The following DNAH3 variants were observed in gnomAD, a reference collection of about 807,000 sequenced individuals.
DNAH3 encodes dynein axonemal heavy chain 3.
A neutral mutation model predicts 432.5 loss-of-function variants in DNAH3; 332 were observed. That is an observed-to-expected ratio of 0.77 (90% confidence interval 0.70 to 0.84). The LOEUF (loss-of-function observed/expected upper bound fraction) is 0.84, where lower values mean the gene tolerates loss of function less well. Among genes scored for constraint, DNAH3 ranks in the 40% least tolerant of loss-of-function variants. The probability of loss-of-function intolerance (pLI) is 0.00; values close to 1 mark genes in which losing one functional copy is unlikely to be tolerated. For synonymous variants in DNAH3, 1,956 were observed against 1,900.2 expected (o/e 1.03, Z -0.76); for missense variants, 4,861 against 5,114.0 (o/e 0.95, Z 1.51).
At chr16:21,096,943 A>G (rs1234500876) in intron 18 of DNAH3, among the ~76,000 whole-genome samples, 3 of 152,158 alleles carry the variant, frequency 2.0e-5, no homozygotes, top group Non-Finnish European at 4.4e-5. Context: ...CTTAACCCAT[A>G]TCGGATCAAT....
rs376969392 is a variant in DNAH3, at chr16:20,936,813, G to C, written c.11695C>G (p.Arg3899Gly). Reference sequence around the variant, plus strand: ...ATCAGGACCTGTCCTTTGATGGCTCGGCCAAGATTGATGAGGCTCCTCCGA... The same window carrying C: ...ATCAGGACCTGTCCTTTGATGGCTCCGCCAAGATTGATGAGGCTCCTCCGA... The change falls in exon 60 of 62, where the codon CGA becomes GGA. Residue 3899 changes from arginine to glycine, a missense_variant. By Grantham distance (125) the Arg-to-Gly change is moderately radical. Coordinates refer to ENST00000261383, the Ensembl canonical transcript of DNAH3. The C allele has an allele frequency of 7.4e-6, 12 of 1,613,188 alleles. No individual in the cohort carries two copies. The highest frequency in any genetic ancestry group is 1.0e-5 in the Non-Finnish European group (12 of 1,179,830).
exon 29 of DNAH3, chr16:21,051,854 C>G: frequency 6.2e-7 from 1 of 1,614,100 alleles, no homozygotes; most frequent in Non-Finnish European, 8.5e-7. Flanking sequence ...GATAACTTGG[C>G]CACCACGTCG....
At chr16:20,970,664 C>G (rs186080792) in intron 51 of DNAH3, among the ~76,000 whole-genome samples, 1 of 152,150 alleles carries the variant, frequency 6.6e-6, no homozygotes, top group Non-Finnish European at 1.5e-5. Flanking sequence ...GTATGGAGTT[C>G]AGTGCAGTGT....
At chr16:21,060,456 A>T in intron 25 of DNAH3, 100 bp from the exon 26 acceptor site, 3 of 760,198 alleles carry the variant, frequency 3.9e-6, no homozygotes, top group East Asian at 3.2e-5. Context: ...GGCTGGAGGG[A>T]TGCCAAAGGC....
chr16:21,015,495 T>A (rs1028037367), intron 41 of DNAH3, among the ~76,000 whole-genome samples: 2 of 152,208 alleles, frequency 1.3e-5, no homozygotes, highest in African/African-American at 2.4e-5. Flanking sequence ...GACATTTACA[T>A]CTTTGTCAAA....
exon 17 of DNAH3, chr16:21,098,769 T>G (rs753338776): frequency 5.6e-6 from 9 of 1,607,618 alleles, no homozygotes; most frequent in Non-Finnish European, 7.6e-6. Context: ...ATTCTGAGCA[T>G]CTGAAAATAA....
chr16:21,025,475 A>G (rs1597172041), intron 38 of DNAH3, among the ~76,000 whole-genome samples: 1 of 146,686 alleles, frequency 6.8e-6, no homozygotes, highest in African/African-American at 2.5e-5. Context: ...AATTATAGAT[A>G]TAATTATGTA....
intron 33 of DNAH3, 48 bp downstream of exon 33, chr16:21,039,804 C>T (rs547073533): frequency 7.3e-6 from 10 of 1,364,334 alleles, no homozygotes; most frequent in Middle Eastern, 1.8e-4. Context: ...CGCAAAAAGC[C>T]GCTATTTAAA....
intron 17 of DNAH3, among the ~76,000 whole-genome samples, chr16:21,098,243 A>AC (rs2091739850): frequency 6.6e-6 from 1 of 151,940 alleles, no homozygotes; most frequent in South Asian, 2.1e-4. Flanking sequence ...GGAGTTCAAG[A>AC]CCAGCCTGGC....
At chr16:21,101,577 A>C (rs2152796322) in intron 16 of DNAH3, among the ~76,000 whole-genome samples, 1 of 152,344 alleles carries the variant, frequency 6.6e-6, no homozygotes, top group Middle Eastern at 3.4e-3. Flanking sequence ...GTTCAAAGAA[A>C]GATACTTTAA....
intron 18 of DNAH3, among the ~76,000 whole-genome samples, chr16:21,088,626 C>T (rs2091449025): frequency 6.6e-6 from 1 of 152,194 alleles, no homozygotes; most frequent in Admixed American, 6.5e-5. Flanking sequence ...GACGTGGTAG[C>T]TTCTCACCTC....
chr16:20,967,838 A>C (rs1034443192), intron 52 of DNAH3, among the ~76,000 whole-genome samples: 3 of 151,886 alleles, frequency 2.0e-5, no homozygotes, highest in Non-Finnish European at 4.4e-5. Flanking sequence ...TCTCCAGGTG[A>C]TTCTAGGGTG....
Position 21,027,130 on chromosome 16 carries a change from A to T in DNAH3, c.5440-3T>A. ...ATTTCCCCACTCATGAGACACAGCTAAAAGTGCAAAGCAGAGGGTAGCAGA... is the reference window on the plus strand; with the variant it reads ...ATTTCCCCACTCATGAGACACAGCTTAAAGTGCAAAGCAGAGGGTAGCAGA... On this transcript the variant is annotated splice_polypyrimidine_tract_variant and splice_region_variant and intron_variant, in intron 37 of 61. Transcript: ENST00000261383. 1 of 1,610,226 alleles carries T rather than the reference A, an allele frequency of 6.2e-7. No homozygotes were observed. The highest frequency in any genetic ancestry group is 8.5e-7 in the Non-Finnish European group (1 of 1,176,690).
intron 44 of DNAH3, among the ~76,000 whole-genome samples, chr16:20,995,594 G>C (rs923760408): frequency 6.6e-6 from 1 of 152,104 alleles, no homozygotes; most frequent in South Asian, 2.1e-4. Flanking sequence ...CAAAAATATA[G>C]TGAGTTGCTT....
chr16:21,137,580 A>T (rs2092661454), intron 5 of DNAH3, among the ~76,000 whole-genome samples: 1 of 151,992 alleles, frequency 6.6e-6, no homozygotes, highest in South Asian at 2.1e-4. Flanking sequence ...GCACCACCAC[A>T]GCCAGCTAAT....
At position 20,965,430 on chromosome 16, in the gene DNAH3, T is replaced by C. The variant is rs758834675; in HGVS notation, c.8459-5A>G. 87 of 1,509,876 alleles carry C rather than the reference T, an allele frequency of 5.8e-5. No individual in the cohort carries two copies. Among genetic ancestry groups the C allele is most frequent in the Non-Finnish European group, 7.7e-5 (87 of 1,129,216 alleles). 93.5% of individuals were successfully genotyped at this position (1,509,876 alleles called of 1,614,324 possible). A position where few individuals can be genotyped will look rare whatever the true frequency, so the allele number is the denominator to read the frequency against. On this transcript the variant is annotated splice_polypyrimidine_tract_variant and splice_region_variant and intron_variant, in intron 52 of 61. Coordinates refer to ENST00000261383, the Ensembl canonical transcript of DNAH3. ...AGTAATCTTCTATCATCTTACCTAT[T>C]TGGAACAAGAAACAGAGATAATGTG...
chr16:20,986,018 G>A (rs912624773), intron 47 of DNAH3, among the ~76,000 whole-genome samples: 1 of 151,930 alleles, frequency 6.6e-6, no homozygotes, highest in Non-Finnish European at 1.5e-5. Flanking sequence ...ATCATGCCTG[G>A]CTAATTTTTG....
chr16:20,988,029 T>C lies in DNAH3; in HGVS notation c.6638A>G (p.Asn2213Ser), dbSNP rs145682842. Residue 2213 changes from asparagine (N) to serine (S), a missense_variant, in exon 45 of 62, where the codon AAT (asparagine) becomes AGT (serine). By Grantham distance (46) the Asn-to-Ser change is conservative (BLOSUM62 1). Coordinates refer to ENST00000261383, the Ensembl canonical transcript of DNAH3. ...GGTTAAAATGTCATCCTCAAAGGCATTGATGGAAATGATATTCAGATGGCG... is the reference window on the plus strand; with the variant it reads ...GGTTAAAATGTCATCCTCAAAGGCACTGATGGAAATGATATTCAGATGGCG... 77 of 1,614,094 alleles carry C rather than the reference T, an allele frequency of 4.8e-5. 1 individual carries two copies. The highest frequency in any genetic ancestry group is 3.8e-4 in the Admixed American group (23 of 60,008).
At chr16:21,049,291 T>C (rs1382883572) in intron 31 of DNAH3, among the ~76,000 whole-genome samples, 2 of 152,178 alleles carry the variant, frequency 1.3e-5, no homozygotes, top group Non-Finnish European at 2.9e-5. Flanking sequence ...TCATCTCTGT[T>C]GCATGAACTT....
Sources: gnomAD v4.1 joint callset for allele counts (sites outside exome capture counted in the v4.1 genomes callset) on GRCh38, gnomAD v4.1.1 for gene constraint, MANE v1.5 for transcripts, NCBI Gene and HGNC (gene_info 2026-07-23, HGNC 2026-07-21) for gene names.